MIS18A: variants seen among roughly 807,000 people sequenced by gnomAD.
The protein encoded by MIS18A is protein Mis18-alpha.
In MIS18A, 14 loss-of-function variants were observed where a neutral mutation model predicts 25.0. The observed-to-expected ratio is 0.56, with a 90% CI of 0.37 to 0.88. The LOEUF (loss-of-function observed/expected upper bound fraction) is 0.88, where lower values mean the gene tolerates loss of function less well. MIS18A is among the 40% of genes least tolerant of loss of function. MIS18A has a pLI of 0.00. For missense variants in MIS18A, 292 were observed against 290.8 expected (o/e 1.00, Z -0.03); for synonymous variants, 134 against 118.6 (o/e 1.13, Z -0.84).
At chr21:32,251,799 G>C in the MIS18A span, among the ~76,000 whole-genome samples, 7 of 152,192 alleles carry the variant, frequency 4.6e-5, no homozygotes, top group Admixed American at 2.0e-4. Flanking sequence ...GACTGTCTAA[G>C]AGCACAGGGT....
the MIS18A span, among the ~76,000 whole-genome samples, chr21:32,165,751 G>C: frequency 6.6e-6 from 1 of 152,184 alleles, no homozygotes; most frequent in Non-Finnish European, 1.5e-5. Flanking sequence ...TTTGAATGAT[G>C]AGAGCTCCAT....
chr21:32,223,500 C>T, the MIS18A span, among the ~76,000 whole-genome samples: 2 of 152,060 alleles, frequency 1.3e-5, no homozygotes, highest in Non-Finnish European at 1.5e-5. Flanking sequence ...ACTATAAACA[C>T]ATCTACACAA....
the MIS18A span, among the ~76,000 whole-genome samples, chr21:32,209,358 G>A: frequency 6.6e-6 from 1 of 152,142 alleles, no homozygotes; most frequent in Non-Finnish European, 1.5e-5. Flanking sequence ...CTTGCTTAAT[G>A]AACACAGTCC....
chr21:32,157,105 G>C, the MIS18A span, among the ~76,000 whole-genome samples: 1 of 147,532 alleles, frequency 6.8e-6, no homozygotes, highest in Non-Finnish European at 1.5e-5. Flanking sequence ...GCCCAGGCTG[G>C]AGTGCAGTGG....
chr21:32,167,596 T>TA, the MIS18A span, among the ~76,000 whole-genome samples: 7 of 151,938 alleles, frequency 4.6e-5, no homozygotes, highest in African/African-American at 1.2e-4. Context: ...GCAAAATGAA[T>TA]AAAAAAACCA....
the MIS18A span, among the ~76,000 whole-genome samples, chr21:32,229,365 G>GT: frequency 6.6e-6 from 1 of 152,304 alleles, no homozygotes; most frequent in Non-Finnish European, 1.5e-5. Context: ...GCAATCTGGG[G>GT]TTTTGTGGCC....
At chr21:32,260,401 G>GAC in the MIS18A span, 62,332 of 151,770 alleles carry the variant, frequency 0.41, 15,075 homozygotes, top group African/African-American at 0.68. Context: ...TCAGGTGTGA[G>GAC]ACAGAGAGTA....
the MIS18A span, among the ~76,000 whole-genome samples, chr21:32,193,390 G>A: frequency 3.3e-5 from 5 of 152,134 alleles, no homozygotes; most frequent in Admixed American, 6.5e-5. Flanking sequence ...AAACTCGCAC[G>A]TTTCAGCCCA....
chr21:32,265,808 G>A (rs1190448917), downstream of MIS18A, among the ~76,000 whole-genome samples: 2 of 152,404 alleles, frequency 1.3e-5, no homozygotes, highest in Non-Finnish European at 2.9e-5. Flanking sequence ...GTCTGGTGGG[G>A]ACGTGGAGAG....
chr21:32,266,011 C>T (rs572194713), downstream of MIS18A, among the ~76,000 whole-genome samples: 30 of 152,230 alleles, frequency 2.0e-4, 2 homozygotes, highest in South Asian at 6.0e-3. Flanking sequence ...TGTGAGTGCA[C>T]CAATCAACAC....
chr21:32,169,481 T>C, the MIS18A span, among the ~76,000 whole-genome samples: 1 of 152,182 alleles, frequency 6.6e-6, no homozygotes, highest in Admixed American at 6.5e-5. Flanking sequence ...AAGGAAAATA[T>C]GGAAAACGAG....
chr21:32,266,543 G>C (rs12626728), downstream of MIS18A, among the ~76,000 whole-genome samples: 1 of 152,010 alleles, frequency 6.6e-6, no homozygotes, highest in Non-Finnish European at 1.5e-5. Context: ...CTTCACTCCT[G>C]AGCCCAGTGA....
At chr21:32,168,728 TG>T in the MIS18A span, among the ~76,000 whole-genome samples, 2 of 152,038 alleles carry the variant, frequency 1.3e-5, no homozygotes, top group African/African-American at 2.4e-5. Context: ...GAAAGAGTAG[TG>T]AAAAAATATG....
At chr21:32,165,991 C>A in the MIS18A span, among the ~76,000 whole-genome samples, 1 of 152,100 alleles carries the variant, frequency 6.6e-6, no homozygotes, top group Non-Finnish European at 1.5e-5. Context: ...TATTAAAACC[C>A]CATCTTGGTC....
chr21:32,239,195 C>T, the MIS18A span, among the ~76,000 whole-genome samples: 80 of 152,300 alleles, frequency 5.3e-4, no homozygotes, highest in African/African-American at 1.9e-3. Context: ...TAAGCTTTTT[C>T]ATCCCCAAGG....
chr21:32,196,745 C>T, the MIS18A span, among the ~76,000 whole-genome samples: 11 of 152,128 alleles, frequency 7.2e-5, no homozygotes, highest in South Asian at 2.1e-4. Flanking sequence ...TGAGCCACCA[C>T]GCCTGGCCAA....
the MIS18A span, among the ~76,000 whole-genome samples, chr21:32,258,368 T>C: frequency 7.2e-5 from 11 of 152,240 alleles, no homozygotes; most frequent in Middle Eastern, 3.4e-3. Context: ...CCTTGACTAT[T>C]ATTTTATTTT....
chr21:32,253,170 C>G, the MIS18A span, among the ~76,000 whole-genome samples: 1 of 152,146 alleles, frequency 6.6e-6, no homozygotes, highest in Admixed American at 6.5e-5. Flanking sequence ...CCGCACGACC[C>G]CCAGCATCAG....
At chr21:32,241,782 C>T in the MIS18A span, among the ~76,000 whole-genome samples, 1 of 152,320 alleles carries the variant, frequency 6.6e-6, no homozygotes, top group East Asian at 1.9e-4. Context: ...TGGAAAACTG[C>T]CTTATCGAGC....
Sources: allele counts gnomAD v4.1 joint callset (sites outside exome capture counted in the v4.1 genomes callset), GRCh38; gene constraint gnomAD v4.1.1; transcripts MANE v1.5; gene names NCBI Gene and HGNC (gene_info 2026-07-23, HGNC 2026-07-21).